The following LAMA4 variants were observed in gnomAD, a reference collection of about 807,000 sequenced individuals.
LAMA4 encodes the protein laminin subunit alpha 4, also known as laminin subunit alpha-4.
A neutral mutation model predicts 207.1 loss-of-function variants in LAMA4; 127 were observed. The observed-to-expected ratio is 0.61, with a 90% CI of 0.53 to 0.71. The LOEUF (loss-of-function observed/expected upper bound fraction) is 0.71, where lower values mean the gene tolerates loss of function less well. Ranked by LOEUF, LAMA4 falls within the 30% of genes least tolerant of loss-of-function variation. LAMA4 has a pLI of 0.00. For synonymous variants in LAMA4, 761 were observed against 816.0 expected (o/e 0.93, Z 1.15); for missense variants, 2,093 against 2,246.5 (o/e 0.93, Z 1.38).
In LAMA4 at chr6:112,243,284, C is replaced by T. The variant is rs112383308; in HGVS notation, c.195+10672G>A. ...AGTTGTTAGGAACCACCCCTCCCCA[C>T]CCCCTACCACAGGCCAGGGCCCTGT... is the stretch of plus-strand genomic sequence containing the variant. On this transcript the variant is annotated intron_variant, in intron 2 of 38. Transcript: ENST00000230538. 1.3e-3 allele frequency among the ~76,000 whole-genome samples: 197 copies of T among 152,214 alleles called. 2 individuals carry two copies. Among genetic ancestry groups the T allele is most frequent in the South Asian group, 6.4e-3 (31 of 4,816 alleles).
At chr6:112,134,724 C>T (rs1779232431) in intron 25 of LAMA4, 115 bp from the exon 26 acceptor site, 2 of 837,178 alleles carry the variant, frequency 2.4e-6, no homozygotes, top group African/African-American at 1.7e-5. Flanking sequence ...TGCCTTTGTG[C>T]TTGTTTGTTC....
chr6:112,120,759 G>A (rs1444391022), intron 32 of LAMA4, among the ~76,000 whole-genome samples: 1 of 152,190 alleles, frequency 6.6e-6, no homozygotes, highest in African/African-American at 2.4e-5. Flanking sequence ...AAATATGGCT[G>A]CAGGCTGGGT....
intron 38 of LAMA4, 85 bp downstream of exon 38, chr6:112,113,991 A>G (rs1777858037): frequency 6.5e-7 from 1 of 1,527,692 alleles, no homozygotes; most frequent in Non-Finnish European, 9.1e-7. Context: ...GTGCATCATA[A>G]AAACACATGG....
chr6:112,109,633 C>A (rs1777585985), intron 38 of LAMA4, 51 bp from the exon 39 acceptor site: 1 of 1,577,718 alleles, frequency 6.3e-7, no homozygotes, highest in South Asian at 1.1e-5. Flanking sequence ...GTATTCCAAG[C>A]CCAAATATTA....
At chr6:112,228,911 G>A (rs1583954196) in intron 2 of LAMA4, among the ~76,000 whole-genome samples, 1 of 152,138 alleles carries the variant, frequency 6.6e-6, no homozygotes, top group African/African-American at 2.4e-5. Context: ...CGTTCTCAGG[G>A]TGCTCAAGCA....
At position 112,148,194 on chromosome 6, in the gene LAMA4, A is replaced by G. The variant is rs781979736; in HGVS notation, c.2316T>C (p.Ser772=). 1 of 1,614,224 alleles carries G rather than the reference A, an allele frequency of 6.2e-7. No individual in the cohort carries two copies. Among genetic ancestry groups the G allele is most frequent in the Non-Finnish European group, 8.5e-7 (1 of 1,180,024 alleles). Residue 772 remains serine, a synonymous_variant, in exon 18 of 39, where the codon TCT becomes TCC. Coordinates refer to ENST00000230538, the MANE Select transcript of LAMA4 (RefSeq NM_001105206.3). ...CAGAGTTCACTGCAGTGTTGTAAGC[A>G]GAAGAGTCAAAATGTTGAAGATTCT... ...WSQNLQHFDS[S]AYNTAVNSAR...
At chr6:112,130,210 T>C in intron 29 of LAMA4, 170 bp from the exon 30 acceptor site, 1 of 620,850 alleles carries the variant, frequency 1.6e-6, no homozygotes, top group Non-Finnish European at 2.8e-6. Context: ...TGGTTGGATA[T>C]TTCTATATGC....
At chr6:112,140,453 A>T (rs1370677999) in intron 22 of LAMA4, among the ~76,000 whole-genome samples, 1 of 152,212 alleles carries the variant, frequency 6.6e-6, no homozygotes, top group African/African-American at 2.4e-5. Flanking sequence ...AACTGTGGTG[A>T]CACCACAAGC....
At chr6:112,200,619 C>T (rs1205850624) in intron 5 of LAMA4, among the ~76,000 whole-genome samples, 15 of 152,288 alleles carry the variant, frequency 9.8e-5, no homozygotes, top group Non-Finnish European at 1.9e-4. Flanking sequence ...ATAGCAAAGA[C>T]TTGGAACCAA....
In LAMA4 at chr6:112,243,426, T is replaced by G. The variant is rs145017679; in HGVS notation, c.195+10530A>C. Among the ~76,000 whole-genome samples, 289 of 152,352 alleles carry G rather than the reference T, an allele frequency of 1.9e-3. 2 individuals carry two copies. Among genetic ancestry groups the G allele is most frequent in the African/African-American group, 5.8e-3 (242 of 41,582 alleles). Reference sequence around the variant, plus strand: ...TTTAACTGGCGTAAATTTTAACTTATTTATTAAATAATTGTAGAATTTTGT... The same window carrying G: ...TTTAACTGGCGTAAATTTTAACTTAGTTATTAAATAATTGTAGAATTTTGT... On this transcript the variant is annotated intron_variant, in intron 2 of 38. Transcript: ENST00000230538.
At chr6:112,168,882 C>G (rs543920240) in intron 12 of LAMA4, among the ~76,000 whole-genome samples, 8 of 152,228 alleles carry the variant, frequency 5.3e-5, no homozygotes, top group Non-Finnish European at 8.8e-5. Context: ...GAGGGAGACA[C>G]TTAACCTGGC....
Position 112,237,395 on chromosome 6 carries a change from T to C in LAMA4, c.195+16561A>G, listed in dbSNP as rs146198876. Among the ~76,000 whole-genome samples, 815 of 152,306 alleles carry C rather than the reference T, an allele frequency of 5.4e-3. 12 individuals carry two copies. The highest frequency in any genetic ancestry group is 0.019 in the African/African-American group (773 of 41,566). The stretch of plus-strand genomic sequence containing the variant: ...GTAACATTTTGGAGACTAGTCTTGA[T>C]GTAGAATATCAGCTTGGGAGGCCCC... On this transcript the variant is annotated intron_variant, in intron 2 of 38. Transcript: ENST00000230538.
chr6:112,214,317 C>T (rs1322371232), intron 3 of LAMA4, among the ~76,000 whole-genome samples: 6 of 151,990 alleles, frequency 3.9e-5, no homozygotes, highest in Non-Finnish European at 2.9e-5. Context: ...CTCCTAAACT[C>T]AAGTGATCCT....
At chr6:112,121,821 A>G (rs782697396) in intron 32 of LAMA4, 193 bp downstream of exon 32, 4 of 568,930 alleles carry the variant, frequency 7.0e-6, no homozygotes, top group South Asian at 5.8e-5. Flanking sequence ...GAACCTTACA[A>G]TTGGAAAGTC....
At chr6:112,180,093 A>T (rs1782265653) in intron 9 of LAMA4, 1 of 359,424 alleles carries the variant, frequency 2.8e-6, no homozygotes. Flanking sequence ...TTGATCTTTG[A>T]TCCAGTTTAA....
At chr6:112,190,915 CTTT>C (rs1562714063) in intron 6 of LAMA4, among the ~76,000 whole-genome samples, 94 of 98,236 alleles carry the variant, frequency 9.6e-4, no homozygotes, top group Middle Eastern at 4.9e-3. Context: ...TTCTTTCTTT[CTTT>C]CTTTCTTTCT....
intron 17 of LAMA4, among the ~76,000 whole-genome samples, chr6:112,150,230 C>CACAT (rs1225982498): frequency 7.3e-6 from 1 of 137,626 alleles, no homozygotes; most frequent in Non-Finnish European, 1.6e-5. Flanking sequence ...CACACACACA[C>CACAT]ACACAGACAC....
chr6:112,137,743 G>A (rs1779439888), intron 24 of LAMA4, among the ~76,000 whole-genome samples: 1 of 152,190 alleles, frequency 6.6e-6, no homozygotes, highest in Admixed American at 6.5e-5. Flanking sequence ...GATATTTGCT[G>A]GCTACTTCCT....
intron 2 of LAMA4, among the ~76,000 whole-genome samples, chr6:112,243,941 C>A (rs1786718518): frequency 2.0e-5 from 3 of 152,062 alleles, no homozygotes; most frequent in African/African-American, 7.2e-5. Context: ...GCCTGTAATC[C>A]CTGCTATTCA....
Sources: allele counts gnomAD v4.1 joint callset (sites outside exome capture counted in the v4.1 genomes callset), GRCh38; gene constraint gnomAD v4.1.1; transcripts MANE v1.5; gene names NCBI Gene and HGNC (gene_info 2026-07-23, HGNC 2026-07-21).